The following ITSN1 variants were observed in gnomAD, a reference collection of about 807,000 sequenced individuals.
ITSN1 encodes intersectin-1.
Under a neutral mutation model 239.8 loss-of-function variants are expected in ITSN1, and 58 were observed. The ratio of observed to expected loss-of-function variants is 0.24; its 90% confidence interval spans 0.20 to 0.30. The LOEUF (loss-of-function observed/expected upper bound fraction) is 0.30. ITSN1 is among the 10% of genes least tolerant of loss of function. ITSN1 has a pLI of 1.00. For synonymous variants in ITSN1, 780 were observed against 770.8 expected, an observed-to-expected ratio of 1.01 and a Z score of -0.20; for missense variants, 1,558 against 2,103.3, an observed-to-expected ratio of 0.74 and a Z score of 5.07.
intron 4 of ITSN1, among the ~76,000 whole-genome samples, chr21:33,724,141 G>A (rs1158001998): frequency 4.6e-5 from 7 of 151,864 alleles, no homozygotes; most frequent in South Asian, 2.1e-4. Context: ...GAATTGAAAC[G>A]AAATGATACC....
intron 20 of ITSN1, among the ~76,000 whole-genome samples, chr21:33,808,445 C>T (rs973132053): frequency 3.3e-5 from 5 of 151,992 alleles, no homozygotes; most frequent in African/African-American, 7.2e-5. Flanking sequence ...ATTAGCCAGG[C>T]GTGGTGGTGG....
At chr21:33,881,681 T>C (rs944837773) in intron 34 of ITSN1, among the ~76,000 whole-genome samples, 2 of 151,526 alleles carry the variant, frequency 1.3e-5, no homozygotes, top group Non-Finnish European at 2.9e-5. Context: ...ATTTCCCCAG[T>C]AAATAAAAAA....
chr21:33,875,284 GCAGGACCCTGGATCA>G, intron 33 of ITSN1, 55 bp from the exon 34 acceptor site: 4 of 1,567,566 alleles, frequency 2.6e-6, no homozygotes, highest in Non-Finnish European at 3.5e-6. Flanking sequence ...GCCTGGTCCT[GCAGGACCCTGGATCA>G]CAGGCCCGCC....
At position 33,889,907 on chromosome 21, in the gene ITSN1, A is replaced by G. The variant is rs1263045493; in HGVS notation, c.*1607A>G. 6.6e-6 allele frequency: 1 copy of G among 152,234 alleles called. No homozygotes were observed. Among genetic ancestry groups the G allele is most frequent in the Non-Finnish European group, 1.5e-5 (1 of 68,040 alleles). The allele number at this position is 152,234 out of a possible 1,614,324, so 9.4% of individuals were successfully genotyped here. On this transcript the variant is annotated 3_prime_UTR_variant, in exon 40 of 40. Transcript: ENST00000381318. ...TGTTGGAAAGGACAACAAAGTTTAC[A>G]TTTCATACTTTTAAGAAATACTTTA...
At position 33,766,325 on chromosome 21, in the gene ITSN1, A is replaced by G. The variant is rs1334365261; in HGVS notation, c.926+313A>G. Reference sequence around the variant, plus strand: ...AGCAAGAGAGAAACTGCATGAGCCTATGCATAGAGAAGAAACCAAGGAGAT... The same window carrying G: ...AGCAAGAGAGAAACTGCATGAGCCTGTGCATAGAGAAGAAACCAAGGAGAT... On this transcript the variant is annotated intron_variant, in intron 10 of 39. Coordinates refer to ENST00000381318, the MANE Select transcript of ITSN1 (RefSeq NM_003024.3). Among the ~76,000 whole-genome samples the G allele has an allele frequency of 2.6e-5, 4 of 152,350 alleles. No homozygotes were observed. The East Asian group carries it at 7.7e-4, about 29-fold the overall frequency.
chr21:33,659,270 C>T (rs1434215352), intron 1 of ITSN1, among the ~76,000 whole-genome samples: 1 of 152,210 alleles, frequency 6.6e-6, no homozygotes, highest in East Asian at 1.9e-4. Flanking sequence ...CTCTGTACTT[C>T]CTCTCCCCCA....
At chr21:33,868,702 C>T (rs1371559434) in intron 33 of ITSN1, among the ~76,000 whole-genome samples, 2 of 152,242 alleles carry the variant, frequency 1.3e-5, no homozygotes, top group Non-Finnish European at 2.9e-5. Context: ...GCCTCTCCCT[C>T]CACACCTCCC....
intron 1 of ITSN1, among the ~76,000 whole-genome samples, chr21:33,698,146 G>A (rs1459710965): frequency 6.6e-6 from 1 of 152,146 alleles, no homozygotes; most frequent in African/African-American, 2.4e-5. Context: ...AAGAACTGAG[G>A]TTAAAATCTG....
chr21:33,644,459 G>A (rs982583629), intron 1 of ITSN1, among the ~76,000 whole-genome samples: 10 of 152,120 alleles, frequency 6.6e-5, no homozygotes, highest in Admixed American at 2.6e-4. Context: ...ATCTAGGAAT[G>A]CTTCTGTTGA....
intron 7 of ITSN1, among the ~76,000 whole-genome samples, chr21:33,753,621 G>A (rs2067708687): frequency 6.6e-6 from 1 of 151,862 alleles, no homozygotes; most frequent in Non-Finnish European, 1.5e-5. Flanking sequence ...AATTAGCTGG[G>A]CGTGGTGGCG....
At chr21:33,690,048 C>T (rs2091436976) in intron 1 of ITSN1, among the ~76,000 whole-genome samples, 1 of 150,894 alleles carries the variant, frequency 6.6e-6, no homozygotes, top group Admixed American at 6.6e-5. Flanking sequence ...CTTTGGGAGG[C>T]CAAGGCAGGC....
chr21:33,818,399 G>A lies in ITSN1; in HGVS notation c.2860G>A (p.Val954Ile), dbSNP rs763048674. The A allele has an allele frequency of 1.2e-6, 2 of 1,614,096 alleles. No homozygotes were observed. The highest frequency in any genetic ancestry group is 2.2e-5 in the East Asian group (1 of 44,890). Residue 954 changes from valine to isoleucine, a missense_variant, in exon 23 of 40, where the codon GTT becomes ATT. Val to Ile is a conservative substitution (Grantham distance 29, BLOSUM62 3). Around this residue, in one of 2 missense-constraint regions of ITSN1, gnomAD observed 982 missense variants for 1,209.9 expected, o/e 0.81. Coordinates refer to ENST00000381318, the MANE Select transcript of ITSN1 (RefSeq NM_003024.3). ...EQQDMWWFGEVQGQKGWFPKS... is the reference protein window; with the variant it reads ...EQQDMWWFGEIQGQKGWFPKS... Reference sequence around the variant, plus strand: ...GCAAGACATGTGGTGGTTTGGAGAAGTTCAAGGTCAGAAGGGTTGGTTCCC... The same window carrying A: ...GCAAGACATGTGGTGGTTTGGAGAAATTCAAGGTCAGAAGGGTTGGTTCCC...
intron 29 of ITSN1, among the ~76,000 whole-genome samples, chr21:33,850,267 C>G (rs1458715117): frequency 6.6e-6 from 1 of 152,210 alleles, no homozygotes; most frequent in East Asian, 1.9e-4. Flanking sequence ...TGGGTTACAT[C>G]TGAATGGAAG....
At chr21:33,752,666 G>T (rs565523185) in intron 7 of ITSN1, among the ~76,000 whole-genome samples, 3 of 151,984 alleles carry the variant, frequency 2.0e-5, no homozygotes, top group African/African-American at 4.8e-5. Flanking sequence ...CAGGAGGATC[G>T]CTTGAGCTCA....
At chr21:33,789,010 C>T (rs2070891524) in intron 16 of ITSN1, among the ~76,000 whole-genome samples, 1 of 152,022 alleles carries the variant, frequency 6.6e-6, no homozygotes, top group Non-Finnish European at 1.5e-5. Flanking sequence ...TATCAGTTTA[C>T]CTTGATTTGG....
chr21:33,706,848 G>A (rs953442451), intron 1 of ITSN1, among the ~76,000 whole-genome samples: 9 of 151,942 alleles, frequency 5.9e-5, no homozygotes, highest in East Asian at 1.9e-4. Flanking sequence ...TCAGCCTCCC[G>A]AGTAGCTAAG....
At chr21:33,676,199 T>C (rs1256160796) in intron 1 of ITSN1, among the ~76,000 whole-genome samples, 1 of 152,080 alleles carries the variant, frequency 6.6e-6, no homozygotes, top group African/African-American at 2.4e-5. Flanking sequence ...GTCAGGCTGG[T>C]TTCAAACTCC....
intron 17 of ITSN1, among the ~76,000 whole-genome samples, chr21:33,796,404 C>T (rs749358920): frequency 6.6e-5 from 10 of 152,250 alleles, no homozygotes; most frequent in Middle Eastern, 6.8e-3. Context: ...TTAAAGACTT[C>T]TGCATTAAAA....
At chr21:33,685,616 TAAAAA>T (rs933917476) in intron 1 of ITSN1, among the ~76,000 whole-genome samples, 3 of 109,302 alleles carry the variant, frequency 2.7e-5, no homozygotes, top group African/African-American at 6.8e-5. Context: ...CCTTTTTGAG[TAAAAA>T]AAAAAAAAAA....
Sources: gnomAD v4.1 joint callset for allele counts (sites outside exome capture counted in the v4.1 genomes callset) on GRCh38, gnomAD v4.1.1 for gene constraint, gnomAD v4.1.1 regional missense constraint, MANE v1.5 for transcripts, NCBI Gene and HGNC (gene_info 2026-07-23, HGNC 2026-07-21) for gene names.